PDE10A: variants seen among roughly 807,000 people sequenced by gnomAD.
PDE10A encodes the protein cAMP and cAMP-inhibited cGMP 3',5'-cyclic phosphodiesterase 10A.
Under a neutral mutation model 97.7 loss-of-function variants are expected in PDE10A, and 39 were observed. The observed-to-expected ratio is 0.40, with a 90% CI of 0.31 to 0.52. The LOEUF (loss-of-function observed/expected upper bound fraction) is 0.52, where lower values mean the gene tolerates loss of function less well. PDE10A is among the 20% of genes least tolerant of loss of function. PDE10A has a pLI of 0.56. For missense variants in PDE10A, 731 were observed against 1,047.8 expected, an observed-to-expected ratio of 0.70 and a Z score of 4.17; for synonymous variants, 371 against 376.8, an observed-to-expected ratio of 0.98 and a Z score of 0.18.
intron 1 of PDE10A, among the ~76,000 whole-genome samples, chr6:165,710,996 G>A (rs1791882234): frequency 6.6e-6 from 1 of 152,212 alleles, no homozygotes; most frequent in African/African-American, 2.4e-5. Context: ...GAGGCGGAAC[G>A]GCAGAGCGGG....
intron 1 of PDE10A, among the ~76,000 whole-genome samples, chr6:165,595,075 C>A (rs1240601120): frequency 6.6e-6 from 1 of 152,192 alleles, no homozygotes; most frequent in African/African-American, 2.4e-5. Flanking sequence ...AACCCAGATT[C>A]TTTGGACTGC....
intron 18 of PDE10A, among the ~76,000 whole-genome samples, 155 bp downstream of exon 18, chr6:165,379,034 CTAAAG>C (rs1455818732): frequency 3.3e-5 from 5 of 152,126 alleles, no homozygotes; most frequent in Non-Finnish European, 7.4e-5. Flanking sequence ...AACAAAGCAT[CTAAAG>C]TAAATATAAA....
chr6:165,438,671 CTT>C (rs1265092412), intron 5 of PDE10A, among the ~76,000 whole-genome samples: 1 of 152,152 alleles, frequency 6.6e-6, no homozygotes, highest in Non-Finnish European at 1.5e-5. Context: ...AAGCTATACA[CTT>C]TGGCCTGGGC....
intron 18 of PDE10A, among the ~76,000 whole-genome samples, 200 bp downstream of exon 18, chr6:165,378,994 C>T (rs1490269984): frequency 1.3e-5 from 2 of 152,198 alleles, no homozygotes; most frequent in African/African-American, 4.8e-5. Flanking sequence ...TGATTATCCT[C>T]ACTAGACATT....
At chr6:165,557,739 T>C (rs1397483265) in intron 1 of PDE10A, among the ~76,000 whole-genome samples, 2 of 152,178 alleles carry the variant, frequency 1.3e-5, no homozygotes, top group East Asian at 1.9e-4. Context: ...TTATATTTCC[T>C]CAATGCAATG....
chr6:165,943,064 G>T (rs2128493044), intron 1 of PDE10A, among the ~76,000 whole-genome samples: 1 of 151,044 alleles, frequency 6.6e-6, no homozygotes, highest in South Asian at 2.1e-4. Context: ...ATTAGTCAGG[G>T]TGCTCCAGAA....
At chr6:165,863,474 T>A (rs1383939099) in intron 1 of PDE10A, among the ~76,000 whole-genome samples, 1 of 152,216 alleles carries the variant, frequency 6.6e-6, no homozygotes, top group African/African-American at 2.4e-5. Flanking sequence ...AACTACCTTT[T>A]AATGTTGGCA....
In PDE10A at chr6:165,480,222, C is replaced by G. The variant is rs140126602; in HGVS notation, c.1023+2093G>C. Reference sequence around the variant, plus strand: ...AAGGGTTTGGATACGAAATAAAAGTCAAAACAAATACTGGAGAATGGCCAT... The same window carrying G: ...AAGGGTTTGGATACGAAATAAAAGTGAAAACAAATACTGGAGAATGGCCAT... On this transcript the variant is annotated intron_variant, in intron 3 of 21. Coordinates refer to ENST00000539869, the MANE Select transcript of PDE10A (RefSeq NM_001385079.1). Among the ~76,000 whole-genome samples the G allele has an allele frequency of 1.7e-3, 262 of 152,228 alleles. 1 individual carries two copies. Among genetic ancestry groups the G allele is most frequent in the African/African-American group, 5.9e-3 (247 of 41,536 alleles).
chr6:165,958,769 A>C (rs559161953), intron 1 of PDE10A, among the ~76,000 whole-genome samples: 6 of 119,394 alleles, frequency 5.0e-5, no homozygotes, highest in South Asian at 2.8e-4. Flanking sequence ...AAGAAAGAAG[A>C]AAGCAAGCCA....
At chr6:165,529,001 C>G (rs541962797) in intron 2 of PDE10A, among the ~76,000 whole-genome samples, 7 of 152,142 alleles carry the variant, frequency 4.6e-5, no homozygotes, top group Admixed American at 6.6e-5. Context: ...ACCATCACCC[C>G]TAGTGATCCA....
chr6:165,450,113 T>G, intron 4 of PDE10A, 129 bp downstream of exon 4: 2 of 638,176 alleles, frequency 3.1e-6, no homozygotes, highest in Non-Finnish European at 5.3e-6. Context: ...TATTTTCACT[T>G]GAAATTTAGT....
chr6:165,556,723 G>T (rs755336511), intron 1 of PDE10A, among the ~76,000 whole-genome samples: 3 of 152,140 alleles, frequency 2.0e-5, no homozygotes, highest in Non-Finnish European at 4.4e-5. Flanking sequence ...TATCGGCTAT[G>T]AAAGGGCAAG....
chr6:165,740,873 G>A (rs748943944), intron 1 of PDE10A, among the ~76,000 whole-genome samples: 6 of 152,150 alleles, frequency 3.9e-5, no homozygotes, highest in Non-Finnish European at 5.9e-5. Context: ...AGGGGCTGGA[G>A]GAAAAGAAGA....
intron 1 of PDE10A, among the ~76,000 whole-genome samples, chr6:165,877,644 A>G (rs1222976164): frequency 1.3e-5 from 2 of 152,060 alleles, no homozygotes; most frequent in East Asian, 1.9e-4. Flanking sequence ...ATTACCTCAC[A>G]TATTTATAAA....
chr6:165,392,886 T>C, intron 15 of PDE10A, 90 bp from the exon 16 acceptor site: 1 of 1,122,196 alleles, frequency 8.9e-7, no homozygotes, highest in South Asian at 1.3e-5. Context: ...TATATGTCTG[T>C]ACCCTTATAC....
At chr6:165,736,625 A>G (rs1792581550) in intron 1 of PDE10A, among the ~76,000 whole-genome samples, 1 of 152,198 alleles carries the variant, frequency 6.6e-6, no homozygotes, top group Non-Finnish European at 1.5e-5. Flanking sequence ...TGGCAACACA[A>G]CATACCTAAT....
At chr6:165,665,724 G>A (rs1030293362), upstream of PDE10A, among the ~76,000 whole-genome samples, 5 of 151,934 alleles carry the variant, frequency 3.3e-5, no homozygotes, top group Admixed American at 6.6e-5. Context: ...AATATTAAGA[G>A]GGTAGTTAAC....
At chr6:165,969,328 G>A (rs1220529966) in intron 1 of PDE10A, among the ~76,000 whole-genome samples, 1 of 152,184 alleles carries the variant, frequency 6.6e-6, no homozygotes, top group Admixed American at 6.5e-5. Flanking sequence ...TGGCTCAGGT[G>A]TCACAGCCTG....
At chr6:165,450,534 T>C (rs146959214) in intron 3 of PDE10A, among the ~76,000 whole-genome samples, 172 bp from the exon 4 acceptor site, 14 of 152,236 alleles carry the variant, frequency 9.2e-5, no homozygotes, top group South Asian at 8.3e-4. Context: ...AACAAGTAGA[T>C]TGAAAATTAA....
Sources: gnomAD v4.1 joint callset for allele counts (sites outside exome capture counted in the v4.1 genomes callset) on GRCh38, gnomAD v4.1.1 for gene constraint, MANE v1.5 for transcripts, NCBI Gene and HGNC (gene_info 2026-07-23, HGNC 2026-07-21) for gene names.